The following PTPN3 variants were observed in gnomAD, a reference collection of about 807,000 sequenced individuals.
PTPN3 encodes protein tyrosine phosphatase non-receptor type 3.
Under a neutral mutation model 132.7 loss-of-function variants are expected in PTPN3, and 96 were observed. That is an observed-to-expected ratio of 0.72 (90% CI 0.61 to 0.86). The LOEUF (loss-of-function observed/expected upper bound fraction) is 0.86, where lower values mean the gene tolerates loss of function less well. Among genes scored for constraint, PTPN3 ranks in the 40% least tolerant of loss-of-function variants. The pLI, the probability that PTPN3 is intolerant of heterozygous loss-of-function variation, is 0.00. For missense variants in PTPN3, 1,125 were observed against 1,159.6 expected (o/e 0.97, Z 0.43); for synonymous variants, 398 against 429.0 (o/e 0.93, Z 0.89).
At chr9:109,380,211 G>A (rs976538652) in intron 25 of PTPN3, among the ~76,000 whole-genome samples, 2 of 135,010 alleles carry the variant, frequency 1.5e-5, no homozygotes, top group African/African-American at 5.6e-5. Flanking sequence ...CTCCAGCTAG[G>A]AAAATCTATC....
chr9:109,449,444 C>T (rs1241430721), intron 5 of PTPN3: 1 of 985,422 alleles, frequency 1.0e-6, no homozygotes, highest in African/African-American at 1.7e-5. Flanking sequence ...CCAGGACCTC[C>T]AAGCTGAATT....
At chr9:109,495,052 GAAGACATCTAT>G (rs1564490681) in intron 1 of PTPN3, among the ~76,000 whole-genome samples, 2 of 152,182 alleles carry the variant, frequency 1.3e-5, no homozygotes, top group Non-Finnish European at 2.9e-5. Flanking sequence ...CCAGAGGAAA[GAAGACATCTAT>G]AAGATCAGGC....
chr9:109,420,320 A>G, intron 14 of PTPN3, 104 bp downstream of exon 14: 1 of 1,202,978 alleles, frequency 8.3e-7, no homozygotes, highest in Non-Finnish European at 1.1e-6. Flanking sequence ...AGCTGGCTGC[A>G]GGCACCAGCT....
upstream of PTPN3, among the ~76,000 whole-genome samples, chr9:109,502,398 G>A (rs373122519): frequency 3.9e-5 from 6 of 152,212 alleles, no homozygotes; most frequent in Admixed American, 2.0e-4. Flanking sequence ...TGAAGAGCCC[G>A]AGAATCCATA....
At chr9:109,379,802 G>C (rs962128553) in intron 25 of PTPN3, among the ~76,000 whole-genome samples, 169 bp from the exon 26 acceptor site, 5 of 152,220 alleles carry the variant, frequency 3.3e-5, no homozygotes, top group African/African-American at 1.2e-4. Flanking sequence ...ATGCGGGGAG[G>C]GGGCACTCCC....
intron 1 of PTPN3, among the ~76,000 whole-genome samples, chr9:109,483,034 A>T (rs1847033938): frequency 6.6e-6 from 1 of 152,220 alleles, no homozygotes; most frequent in Admixed American, 6.5e-5. Context: ...CTTGATCCCC[A>T]GTCTGCATAA....
chr9:109,473,741 G>A (rs868327075), intron 1 of PTPN3, among the ~76,000 whole-genome samples: 1 of 152,062 alleles, frequency 6.6e-6, no homozygotes, highest in Non-Finnish European at 1.5e-5. Flanking sequence ...CCTTTTTCTT[G>A]AAGTATCACA....
chr9:109,499,724 C>T (rs941766641), upstream of PTPN3, among the ~76,000 whole-genome samples: 4 of 152,228 alleles, frequency 2.6e-5, no homozygotes, highest in African/African-American at 9.6e-5. Context: ...CCCCTGGAAC[C>T]TCATTTCGGT....
At chr9:109,534,234 G>C in the PTPN3 span, 8 of 1,444,644 alleles carry the variant, frequency 5.5e-6, no homozygotes, top group Non-Finnish European at 7.6e-6. Flanking sequence ...TTCCTGTGCC[G>C]CTGCCCGTAG....
rs994614736 is a variant in PTPN3, at chr9:109,422,954, G to A, written c.1002-102C>T. ...TACACATGCTTCTTGTCTGAAGGACGGCAGGTTAATGCCAAGGTTATGGGG... is the reference window on the plus strand; with the variant it reads ...TACACATGCTTCTTGTCTGAAGGACAGCAGGTTAATGCCAAGGTTATGGGG... On this transcript the variant is annotated intron_variant, in intron 12 of 25. Coordinates refer to ENST00000374541, the MANE Select transcript of PTPN3 (RefSeq NM_002829.4). 2.2e-5 allele frequency: 32 copies of A among 1,438,028 alleles called. No homozygotes were observed. In the Admixed American group the frequency reaches 2.9e-4, roughly 13 times the overall value. The allele number at this position is 1,438,028 out of a possible 1,614,324, so 89.1% of individuals were successfully genotyped here.
At chr9:109,425,414 T>C (rs1843175627) in intron 12 of PTPN3, among the ~76,000 whole-genome samples, 1 of 152,102 alleles carries the variant, frequency 6.6e-6, no homozygotes, top group Non-Finnish European at 1.5e-5. Flanking sequence ...AACCAACAAA[T>C]GATTTAGAAA....
chr9:109,460,579 A>G (rs1845798106), intron 2 of PTPN3, among the ~76,000 whole-genome samples: 1 of 152,072 alleles, frequency 6.6e-6, no homozygotes, highest in Admixed American at 6.6e-5. Flanking sequence ...CTGCAACCAA[A>G]GGAAGTGGGC....
chr9:109,523,671 G>A, the PTPN3 span, among the ~76,000 whole-genome samples: 8 of 152,272 alleles, frequency 5.3e-5, no homozygotes, highest in Non-Finnish European at 1.2e-4. Flanking sequence ...GGACCCTCTG[G>A]AATTCTCCTT....
chr9:109,383,462 G>C lies in PTPN3; in HGVS notation c.2343C>G (p.Ile781Met). Residue 781 changes from isoleucine (I) to methionine (M), a missense_variant, in exon 23 of 26, where the codon ATC (isoleucine) becomes ATG (methionine). Coordinates refer to ENST00000374541, the MANE Select transcript of PTPN3 (RefSeq NM_002829.4). ...HIQCQSEDCT[I>M]AYVSREMLVT... The stretch of plus-strand genomic sequence containing the variant: ...CCAGCATTTCTCGGGACACATAGGC[G>C]ATGGTGCAGTCCTCTGACTGACACT... The C allele has an allele frequency of 6.2e-7, 1 of 1,614,104 alleles. No homozygotes were observed.
At chr9:109,527,806 A>G in the PTPN3 span, among the ~76,000 whole-genome samples, 5 of 152,236 alleles carry the variant, frequency 3.3e-5, no homozygotes, top group African/African-American at 1.2e-4. Context: ...AAAAGGCACA[A>G]TTAACAGAGT....
intron 1 of PTPN3, among the ~76,000 whole-genome samples, chr9:109,497,902 G>C (rs1376632794): frequency 6.7e-6 from 1 of 149,986 alleles, no homozygotes; most frequent in Non-Finnish European, 1.5e-5. Context: ...TCCGCGGGTT[G>C]CGCCCGCCCC....
chr9:109,419,729 T>A (rs533332999), intron 14 of PTPN3, among the ~76,000 whole-genome samples: 1 of 152,278 alleles, frequency 6.6e-6, no homozygotes, highest in African/African-American at 2.4e-5. Context: ...AGTTCTGAAC[T>A]CCCTGGTAAC....
At chr9:109,537,586 C>A in the PTPN3 span, among the ~76,000 whole-genome samples, 1 of 152,168 alleles carries the variant, frequency 6.6e-6, no homozygotes, top group East Asian at 1.9e-4. Flanking sequence ...GTCACGTTGT[C>A]TTTTCTTTCT....
At chr9:109,523,180 G>A in the PTPN3 span, among the ~76,000 whole-genome samples, 1 of 150,740 alleles carries the variant, frequency 6.6e-6, no homozygotes, top group African/African-American at 2.4e-5. Context: ...GCAGTGGTGC[G>A]ATCTTGGCTC....
Sources: gnomAD v4.1 joint callset for allele counts (sites outside exome capture counted in the v4.1 genomes callset) on GRCh38, gnomAD v4.1.1 for gene constraint, MANE v1.5 for transcripts, NCBI Gene and HGNC (gene_info 2026-07-23, HGNC 2026-07-21) for gene names.